The following AVEN variants were observed in gnomAD, a reference collection of about 807,000 sequenced individuals.
AVEN encodes cell death regulator Aven.
A neutral mutation model predicts 38.1 loss-of-function variants in AVEN; 41 were observed. The observed-to-expected ratio is 1.08, with a 90% CI of 0.84 to 1.40. The LOEUF (loss-of-function observed/expected upper bound fraction) is 1.40. Ranked by LOEUF, AVEN falls within the 40% of genes most tolerant of loss-of-function variation. The pLI is 0.00. For missense variants in AVEN, 605 were observed against 438.8 expected (o/e 1.38, Z -3.38); for synonymous variants, 206 against 171.8 (o/e 1.20, Z -1.56).
chr15:33,963,982 A>T (rs534108103), intron 2 of AVEN, among the ~76,000 whole-genome samples: 41 of 151,588 alleles, frequency 2.7e-4, no homozygotes, highest in African/African-American at 9.9e-4. Context: ...AATCTAAAAG[A>T]CTCCAGTCAT....
chr15:33,935,634 A>T (rs1252441914), intron 2 of AVEN, among the ~76,000 whole-genome samples: 2 of 152,108 alleles, frequency 1.3e-5, no homozygotes, highest in African/African-American at 2.4e-5. Context: ...TTCTTTTTGT[A>T]TGCTGACTAC....
At chr15:33,973,766 TAAG>T (rs2140502840) in intron 2 of AVEN, among the ~76,000 whole-genome samples, 1 of 152,344 alleles carries the variant, frequency 6.6e-6, no homozygotes, top group South Asian at 2.1e-4. Context: ...TTGAGGGCCT[TAAG>T]AGTAAAGACC....
At chr15:34,045,701 T>TA (rs879353266) in intron 5 of AVEN, among the ~76,000 whole-genome samples, 139 of 138,434 alleles carry the variant, frequency 1.0e-3, no homozygotes, top group Middle Eastern at 3.6e-3. Flanking sequence ...AAGCTTCTCA[T>TA]AAAAAAAAAA....
intron 2 of AVEN, among the ~76,000 whole-genome samples, chr15:33,978,802 G>A (rs1319791740): frequency 2.0e-5 from 3 of 152,038 alleles, no homozygotes. Flanking sequence ...AATATTAGAA[G>A]GATATATTAA....
intron 2 of AVEN, among the ~76,000 whole-genome samples, chr15:33,899,667 C>T (rs974910351): frequency 6.6e-5 from 10 of 151,750 alleles, no homozygotes; most frequent in Non-Finnish European, 1.3e-4. Context: ...AGGGTTTCAC[C>T]ATGTTGGCCA....
At chr15:33,957,269 G>A (rs1015014605) in intron 2 of AVEN, among the ~76,000 whole-genome samples, 8 of 152,144 alleles carry the variant, frequency 5.3e-5, no homozygotes, top group African/African-American at 1.2e-4. Context: ...TTAGCCACAC[G>A]TATATCCCAA....
In AVEN at chr15:34,063,187, TCTC is replaced by T. The variant is rs1488791000; in HGVS notation, n.1369_1371del. On this transcript the variant is annotated non_coding_transcript_exon_variant, in exon 5 of 12. Transcript: ENST00000675287. This position sits in a 1 kb window ranked among gnomAD's most constrained non-coding sequence, Gnocchi z 4.1. ...ATCATGATTGGCTTGGCCTGGCTGA[TCTC>T]CTTCATCCTCTGGGCCCCAGCAATC... The T allele has an allele frequency of 3.1e-6, 5 of 1,614,136 alleles. No homozygotes were observed. Among genetic ancestry groups the T allele is most frequent in the Non-Finnish European group, 4.2e-6 (5 of 1,180,024 alleles).
At position 33,988,752 on chromosome 15, in the gene AVEN, T is replaced by C. The variant is rs555068148; in HGVS notation, c.445+14280A>G. On this transcript the variant is annotated intron_variant, in intron 2 of 5. Transcript: ENST00000306730. Reference sequence around the variant, plus strand: ...AAGACAAGAGAACAGAATTACAGGGTTGAAAAAACTCCTTGATAAATGACC... The same window carrying C: ...AAGACAAGAGAACAGAATTACAGGGCTGAAAAAACTCCTTGATAAATGACC... Among the ~76,000 whole-genome samples the C allele has an allele frequency of 1.4e-4, 22 of 152,274 alleles. No individual in the cohort carries two copies. In the South Asian group the frequency reaches 4.3e-3, roughly 30 times the overall value.
chr15:33,921,274 G>A (rs1893385493), intron 2 of AVEN, among the ~76,000 whole-genome samples: 1 of 152,198 alleles, frequency 6.6e-6, no homozygotes, highest in African/African-American at 2.4e-5. Flanking sequence ...CTAAGATAGT[G>A]CCCACCCTGA....
chr15:34,017,378 C>T (rs553829401), intron 1 of AVEN, among the ~76,000 whole-genome samples: 73 of 151,912 alleles, frequency 4.8e-4, no homozygotes, highest in Non-Finnish European at 8.4e-4. Context: ...GAGAAAATAT[C>T]AATCACCTAA....
chr15:34,060,319 T>C (rs572186770), intron 5 of AVEN, among the ~76,000 whole-genome samples: 2 of 152,264 alleles, frequency 1.3e-5, no homozygotes, highest in Admixed American at 1.3e-4. Context: ...TGAAGAAGCA[T>C]GCAAGATTGG....
chr15:33,883,083 T>C (rs1231984227), intron 2 of AVEN, among the ~76,000 whole-genome samples: 1 of 152,216 alleles, frequency 6.6e-6, no homozygotes, highest in Non-Finnish European at 1.5e-5. Flanking sequence ...GATCAAGTTC[T>C]TACCTAGTCA....
intron 4 of AVEN, 64 bp downstream of exon 4, chr15:33,870,871 T>A (rs1890917365): frequency 1.7e-6 from 2 of 1,158,430 alleles, no homozygotes. Context: ...CTGAGGGAAG[T>A]GTTCCCCTCT....
intron 4 of AVEN, among the ~76,000 whole-genome samples, chr15:33,869,195 G>C (rs1040803890): frequency 3.9e-5 from 6 of 152,138 alleles, no homozygotes; most frequent in Non-Finnish European, 7.3e-5. Context: ...AATTGTTCTG[G>C]GGTGGGTGTC....
rs538314681 is a variant in AVEN at position 34,015,212 on chromosome 15, A to G, written c.268-12003T>C. Among the ~76,000 whole-genome samples the G allele has an allele frequency of 1.1e-3, 169 of 152,308 alleles. 1 individual carries two copies. Among genetic ancestry groups the G allele is most frequent in the Non-Finnish European group, 2.1e-3 (141 of 68,008 alleles). The stretch of plus-strand genomic sequence containing the variant: ...AAATTCCACAAAATAGGCCGGGCGC[A>G]GTGGCTCACGCCTGTAATCCCAGCA... On this transcript the variant is annotated intron_variant, in intron 1 of 5. Transcript: ENST00000306730.
chr15:33,854,579 G>T, downstream of AVEN: 1 of 1,053,966 alleles, frequency 9.5e-7, no homozygotes, highest in African/African-American at 1.6e-5. Flanking sequence ...TATACGTGCT[G>T]GGGGAACACT....
At chr15:33,938,918 T>C (rs1424390816) in intron 2 of AVEN, among the ~76,000 whole-genome samples, 1 of 151,710 alleles carries the variant, frequency 6.6e-6, no homozygotes, top group Non-Finnish European at 1.5e-5. Flanking sequence ...CTCGGCTCAC[T>C]GCAACCTCTG....
intron 2 of AVEN, among the ~76,000 whole-genome samples, chr15:33,994,900 A>G (rs1434484819): frequency 4.6e-5 from 7 of 152,238 alleles, no homozygotes; most frequent in African/African-American, 1.7e-4. Context: ...AAAAAATAAC[A>G]TACAGGCAAC....
intron 2 of AVEN, among the ~76,000 whole-genome samples, chr15:33,916,706 G>C (rs1312299281): frequency 6.6e-6 from 1 of 152,114 alleles, no homozygotes; most frequent in East Asian, 1.9e-4. Flanking sequence ...GCATGGATGT[G>C]GTGAAAAGGG....
Sources: gnomAD v4.1 joint callset for allele counts (sites outside exome capture counted in the v4.1 genomes callset) on GRCh38, gnomAD v4.1.1 for gene constraint, Gnocchi (gnomAD v3.1) non-coding constraint, MANE v1.5 for transcripts, NCBI Gene and HGNC (gene_info 2026-07-23, HGNC 2026-07-21) for gene names.